The following PCDH11Y variants were observed in gnomAD, a reference collection of about 807,000 sequenced individuals.
PCDH11Y encodes the protein protocadherin 11 Y-linked.
For missense variants in PCDH11Y, 12 were observed against 224.8 expected (o/e 0.05, Z 6.05); for synonymous variants, 9 against 83.6 (o/e 0.11, Z 4.87).
chrY:5,685,809 C>T lies in PCDH11Y; in HGVS notation c.3353-51463C>T, dbSNP rs2124710051. On this transcript the variant is annotated intron_variant, in intron 4 of 4. Coordinates refer to the PCDH11Y transcript ENST00000400457. ...CCAGAGGAATATGATGAAACTAATG[C>T]TTAATGAAACTACTTACTCCCTCCA... Among the ~76,000 whole-genome samples the T allele has an allele frequency of 2.2e-4, 7 of 31,404 alleles. No homozygotes were observed. In the South Asian group the frequency reaches 5.1e-3, roughly 23 times the overall value. 84.3% of individuals were successfully genotyped at this position (31,404 alleles called of 37,273 possible).
chrY:5,226,147 G>C, intron 2 of PCDH11Y, among the ~76,000 whole-genome samples: 1 of 27,446 alleles, frequency 3.6e-5, no homozygotes, highest in African/African-American at 1.5e-4. Flanking sequence ...GACTAGCTGG[G>C]ATTACAGGCA....
intron 2 of PCDH11Y, among the ~76,000 whole-genome samples, chrY:5,370,283 G>GTA (rs2053186062): frequency 3.2e-5 from 1 of 31,672 alleles, no homozygotes; most frequent in Non-Finnish European, 7.7e-5. Flanking sequence ...AAAACTATAA[G>GTA]GCTTCATGGA....
chrY:5,640,094 G>A, intron 4 of PCDH11Y, among the ~76,000 whole-genome samples: 1 of 32,882 alleles, frequency 3.0e-5, no homozygotes, highest in Non-Finnish European at 7.4e-5. Flanking sequence ...TCATCCTTAA[G>A]AAGCAACTCC....
downstream of PCDH11Y, among the ~76,000 whole-genome samples, chrY:5,108,840 A>G: frequency 3.3e-5 from 1 of 30,315 alleles, no homozygotes; most frequent in Non-Finnish European, 7.9e-5. Context: ...TTCAATCAAT[A>G]TTTACTAACC....
chrY:5,018,859 G>A, intron 1 of PCDH11Y, among the ~76,000 whole-genome samples: 1 of 33,008 alleles, frequency 3.0e-5, no homozygotes, highest in Non-Finnish European at 7.5e-5. Context: ...ATCTTCTCTT[G>A]GATTTATTTT....
intron 3 of PCDH11Y, among the ~76,000 whole-genome samples, chrY:5,042,693 C>T: frequency 1.2e-4 from 1 of 8,488 alleles, no homozygotes; most frequent in Non-Finnish European, 2.6e-4. Flanking sequence ...CTGTAAATTA[C>T]CTTGGGCAGT....
chrY:5,194,716 A>T (rs2052916921), intron 2 of PCDH11Y, among the ~76,000 whole-genome samples: 1 of 32,655 alleles, frequency 3.1e-5, no homozygotes, highest in Non-Finnish European at 7.5e-5. Flanking sequence ...GGCGGTGTGG[A>T]CCCAAAAAGT....
At chrY:5,564,267 A>G (rs2053432263) in intron 3 of PCDH11Y, among the ~76,000 whole-genome samples, 1 of 29,056 alleles carries the variant, frequency 3.4e-5, no homozygotes, top group Admixed American at 3.4e-4. Flanking sequence ...AAATGGTTGC[A>G]ATAGCAAATG....
chrY:5,049,239 A>G (rs2052647446), intron 3 of PCDH11Y, among the ~76,000 whole-genome samples: 1 of 31,697 alleles, frequency 3.2e-5, no homozygotes, highest in Admixed American at 3.0e-4. Flanking sequence ...ATTCTGTTCT[A>G]TTCGTCTATG....
intron 2 of PCDH11Y, among the ~76,000 whole-genome samples, chrY:5,191,136 A>G: frequency 3.4e-5 from 1 of 29,408 alleles, no homozygotes; most frequent in Non-Finnish European, 8.1e-5. Context: ...GCAGGGGAAC[A>G]TCACACACCG....
intron 4 of PCDH11Y, among the ~76,000 whole-genome samples, chrY:5,625,359 C>A: frequency 3.9e-5 from 1 of 25,634 alleles, no homozygotes; most frequent in Non-Finnish European, 9.1e-5. Flanking sequence ...AAAACATTAT[C>A]CTCTTTTTTT....
chrY:5,436,794 A>G, intron 2 of PCDH11Y, among the ~76,000 whole-genome samples: 1 of 33,121 alleles, frequency 3.0e-5, no homozygotes, highest in Non-Finnish European at 7.5e-5. Context: ...TACTAATTCA[A>G]TTGCTATCAT....
chrY:5,487,689 T>A, intron 2 of PCDH11Y, among the ~76,000 whole-genome samples: 1 of 33,401 alleles, frequency 3.0e-5, no homozygotes. Context: ...TATTTGTAAA[T>A]GTATGTATCA....
At chrY:5,070,567 G>T (rs2052698239) in intron 1 of PCDH11Y, among the ~76,000 whole-genome samples, 1 of 33,373 alleles carries the variant, frequency 3.0e-5, no homozygotes, top group Non-Finnish European at 7.4e-5. Flanking sequence ...ACAAGATGTG[G>T]TATAGGGGTT....
chrY:5,581,160 C>A (rs2053450733), intron 3 of PCDH11Y, among the ~76,000 whole-genome samples: 1 of 32,573 alleles, frequency 3.1e-5, no homozygotes, highest in Non-Finnish European at 7.7e-5. Context: ...TGACAATAAT[C>A]TCTAATCCCT....
intron 3 of PCDH11Y, among the ~76,000 whole-genome samples, chrY:5,548,282 A>G: frequency 3.0e-5 from 1 of 32,922 alleles, no homozygotes; most frequent in Non-Finnish European, 7.5e-5. Flanking sequence ...AAATAGTGGA[A>G]TAACAGCAGA....
chrY:5,002,761 C>T, intron 1 of PCDH11Y: 3 of 34,422 alleles, frequency 8.7e-5, no homozygotes, highest in Admixed American at 7.6e-4. Flanking sequence ...GCGCTAAGGT[C>T]TAAAGATACC....
chrY:5,664,776 T>C, intron 4 of PCDH11Y, among the ~76,000 whole-genome samples: 1 of 30,850 alleles, frequency 3.2e-5, no homozygotes, highest in African/African-American at 1.3e-4. Context: ...CTAATTTTTG[T>C]ATTTCTGTAG....
rs369525959 is a variant in PCDH11Y, at chrY:5,150,504, C to G, written c.3129+49797C>G. Reference sequence around the variant, plus strand: ...CTGGTAGACAATATTCTACTCTCTACTTCTATGAGATCAACTTTTTTAGCT... The same window carrying G: ...CTGGTAGACAATATTCTACTCTCTAGTTCTATGAGATCAACTTTTTTAGCT... On this transcript the variant is annotated intron_variant, in intron 2 of 4. Coordinates refer to the PCDH11Y transcript ENST00000400457. Among the ~76,000 whole-genome samples the G allele has an allele frequency of 4.3e-3, 143 of 32,897 alleles. No individual in the cohort carries two copies. The East Asian group carries it at 0.097, about 22-fold the overall frequency. The allele number at this position is 32,897 out of a possible 37,273, so 88.3% of individuals were successfully genotyped here.
Sources: allele counts gnomAD v4.1 joint callset (sites outside exome capture counted in the v4.1 genomes callset), GRCh38; gene constraint gnomAD v4.1.1; transcripts MANE v1.5; gene names NCBI Gene and HGNC (gene_info 2026-07-23, HGNC 2026-07-21).